The following KCNIP1 variants were observed in gnomAD, a reference collection of about 807,000 sequenced individuals.
KCNIP1 encodes A-type potassium channel modulatory protein KCNIP1.
In KCNIP1, 18 loss-of-function variants were observed where a neutral mutation model predicts 33.0. The ratio of observed to expected loss-of-function variants is 0.55; its 90% CI spans 0.38 to 0.81. KCNIP1 has a LOEUF of 0.81. Among genes scored for constraint, KCNIP1 ranks in the 30% least tolerant of loss-of-function variants. KCNIP1 has a pLI of 0.00. For synonymous variants in KCNIP1, 93 were observed against 98.3 expected (o/e 0.95, Z 0.32); for missense variants, 238 against 271.6 (o/e 0.88, Z 0.87).
chr5:170,521,927 GTTGC>G (rs749295400), intron 1 of KCNIP1, among the ~76,000 whole-genome samples: 2 of 152,194 alleles, frequency 1.3e-5, no homozygotes, highest in Non-Finnish European at 2.9e-5. Flanking sequence ...CTTCCATCTT[GTTGC>G]TCCCCCAACC....
At chr5:170,585,292 G>T (rs910039722) in intron 1 of KCNIP1, among the ~76,000 whole-genome samples, 2 of 152,154 alleles carry the variant, frequency 1.3e-5, no homozygotes, top group African/African-American at 2.4e-5. Flanking sequence ...CAGAGGGGGG[G>T]ATCTGAGGGT....
rs189675854 is a variant in KCNIP1 at position 170,521,983 on chromosome 5, T to G, written c.61+17350T>G. The stretch of plus-strand genomic sequence containing the variant: ...ATCTAGGTGAAAGGGGAGCAGAAAA[T>G]GTGGTCTCTGGCCCAGGAACAACTC... On this transcript the variant is annotated intron_variant, in intron 1 of 7. Transcript: ENST00000328939. Among the ~76,000 whole-genome samples, 153 of 152,216 alleles carry G rather than the reference T, an allele frequency of 1.0e-3. 1 individual carries two copies. Among genetic ancestry groups the G allele is most frequent in the Admixed American group, 9.3e-3 (142 of 15,298 alleles).
chr5:170,635,597 T>C (rs1264266318), intron 1 of KCNIP1, among the ~76,000 whole-genome samples: 1 of 152,230 alleles, frequency 6.6e-6, no homozygotes, highest in Non-Finnish European at 1.5e-5. Flanking sequence ...AAACTTTCAT[T>C]TATTGCTAAA....
At chr5:170,467,267 AG>A (rs1297683480) in intron 1 of KCNIP1, among the ~76,000 whole-genome samples, 1 of 152,176 alleles carries the variant, frequency 6.6e-6, no homozygotes, top group Non-Finnish European at 1.5e-5. Flanking sequence ...TATTTAAGAG[AG>A]AGACCTGAGC....
intron 1 of KCNIP1, among the ~76,000 whole-genome samples, chr5:170,361,561 G>A (rs903896916): frequency 4.6e-5 from 7 of 152,132 alleles, no homozygotes; most frequent in Admixed American, 1.3e-4. Context: ...CCTCACAACT[G>A]CTTGCTGTCT....
At chr5:170,414,560 C>T (rs140268515) in intron 1 of KCNIP1, among the ~76,000 whole-genome samples, 1,741 of 152,318 alleles carry the variant, frequency 0.011, 30 homozygotes, top group African/African-American at 0.04. Context: ...CACGTGGCTG[C>T]GCTGGAGTCT....
At chr5:170,727,285 G>T (rs1457022170) in intron 5 of KCNIP1, among the ~76,000 whole-genome samples, 1 of 152,218 alleles carries the variant, frequency 6.6e-6, no homozygotes, top group Non-Finnish European at 1.5e-5. Context: ...TAGATCTGTG[G>T]TTGCCTGGTG....
chr5:170,583,141 G>A (rs983684223), intron 1 of KCNIP1, among the ~76,000 whole-genome samples: 5 of 152,090 alleles, frequency 3.3e-5, no homozygotes, highest in African/African-American at 1.2e-4. Context: ...TCCTGACATC[G>A]CTGCTTTTCC....
intron 1 of KCNIP1, among the ~76,000 whole-genome samples, chr5:170,558,921 C>T (rs780352038): frequency 9.2e-5 from 14 of 152,242 alleles, no homozygotes; most frequent in Middle Eastern, 3.4e-3. Context: ...CAAACAAGTC[C>T]CTATCACCTC....
rs552563870 is a variant in KCNIP1, at chr5:170,692,499, A to G, written c.62-26259A>G. On this transcript the variant is annotated intron_variant, in intron 1 of 7. Coordinates refer to ENST00000328939, the MANE Select transcript of KCNIP1 (RefSeq NM_014592.4). ...TGATATTATGAGATTGCAACAATAC[A>G]TTGCAACATTACATTAAAGAATTAC... Among the ~76,000 whole-genome samples the G allele has an allele frequency of 7.2e-5, 11 of 152,354 alleles. No homozygotes were observed. The South Asian group carries it at 2.3e-3, about 32-fold the overall frequency.
At chr5:170,475,088 T>A (rs1230479887) in intron 1 of KCNIP1, among the ~76,000 whole-genome samples, 1 of 152,040 alleles carries the variant, frequency 6.6e-6, no homozygotes, top group Non-Finnish European at 1.5e-5. Flanking sequence ...AGCTACAGAG[T>A]GCTGATTGGT....
intron 1 of KCNIP1, among the ~76,000 whole-genome samples, chr5:170,408,669 G>T (rs1755100800): frequency 6.6e-6 from 1 of 152,186 alleles, no homozygotes; most frequent in Admixed American, 6.5e-5. Flanking sequence ...GGTGGTTTGG[G>T]GTATTTGGTA....
At chr5:170,468,391 T>C (rs995418524) in intron 1 of KCNIP1, among the ~76,000 whole-genome samples, 1 of 152,192 alleles carries the variant, frequency 6.6e-6, no homozygotes. Context: ...TTGTTAAAAT[T>C]TGCTAGACCT....
At chr5:170,720,473 C>A (rs1432246051) in intron 3 of KCNIP1, 83 bp downstream of exon 3, 1 of 1,072,766 alleles carries the variant, frequency 9.3e-7, no homozygotes, top group African/African-American at 1.5e-5. Flanking sequence ...CTCTTCCTTG[C>A]CATTTGCTTC....
At chr5:170,625,119 G>C (rs1365403105) in intron 1 of KCNIP1, among the ~76,000 whole-genome samples, 1 of 152,098 alleles carries the variant, frequency 6.6e-6, no homozygotes, top group Non-Finnish European at 1.5e-5. Context: ...TCTGGTCCCA[G>C]CAGCAGCCCT....
At chr5:170,390,539 T>TATATATATATATATATATATA (rs1581143220) in intron 1 of KCNIP1, among the ~76,000 whole-genome samples, 6 of 133,734 alleles carry the variant, frequency 4.5e-5, no homozygotes, top group African/African-American at 1.5e-4. Flanking sequence ...TATATATATA[T>TATATATATATATATATATATA]TTTCAACAAA....
intron 1 of KCNIP1, among the ~76,000 whole-genome samples, chr5:170,460,457 C>A (rs192131825): frequency 6.6e-6 from 1 of 152,054 alleles, no homozygotes; most frequent in African/African-American, 2.4e-5. Flanking sequence ...GCTAGCTAAC[C>A]GAATCCAACA....
intron 1 of KCNIP1, among the ~76,000 whole-genome samples, chr5:170,547,530 C>G (rs1756460234): frequency 6.6e-6 from 1 of 152,118 alleles, no homozygotes. Context: ...CTCCCTCCTC[C>G]CACCCTCTGG....
At chr5:170,438,629 A>C (rs1326540309) in intron 1 of KCNIP1, among the ~76,000 whole-genome samples, 1 of 151,228 alleles carries the variant, frequency 6.6e-6, no homozygotes, top group Non-Finnish European at 1.5e-5. Context: ...GCCTCACCAC[A>C]CTCCCATAGA....
Sources: allele counts gnomAD v4.1 joint callset (sites outside exome capture counted in the v4.1 genomes callset), GRCh38; gene constraint gnomAD v4.1.1; transcripts MANE v1.5; gene names NCBI Gene and HGNC (gene_info 2026-07-23, HGNC 2026-07-21).